ARHGEF2: variants seen among roughly 807,000 people sequenced by gnomAD.
ARHGEF2 encodes rho guanine nucleotide exchange factor 2.
Under a neutral mutation model 121.0 loss-of-function variants are expected in ARHGEF2, and 22 were observed. That is an observed-to-expected ratio of 0.18 (90% CI 0.13 to 0.26). ARHGEF2 has a LOEUF of 0.26. Ranked by LOEUF, ARHGEF2 falls within the 10% of genes least tolerant of loss-of-function variation. The pLI, the probability that ARHGEF2 is intolerant of heterozygous loss-of-function variation, is 1.00. For missense variants in ARHGEF2, 907 were observed against 1,336.0 expected (o/e 0.68, Z 5.01); for synonymous variants, 487 against 530.0 (o/e 0.92, Z 1.11).
At chr1:155,957,050 AG>A (rs1445561925) in intron 13 of ARHGEF2, among the ~76,000 whole-genome samples, 3 of 151,784 alleles carry the variant, frequency 2.0e-5, no homozygotes, top group Non-Finnish European at 4.4e-5. Context: ...AAAAAAAAAA[AG>A]AAAGAAAACC....
intron 11 of ARHGEF2, among the ~76,000 whole-genome samples, chr1:155,958,748 T>C (rs1435172051): frequency 6.6e-6 from 1 of 151,440 alleles, no homozygotes; most frequent in East Asian, 1.9e-4. Flanking sequence ...CCGGCTAATT[T>C]TGTATTTTTA....
Position 155,962,460 on chromosome 1 carries a change from A to T in ARHGEF2, c.1101+133T>A, listed in dbSNP as rs1678159109. The T allele has an allele frequency of 7.5e-7, 1 of 1,326,148 alleles. No individual in the cohort carries two copies. Among genetic ancestry groups the T allele is most frequent in the Non-Finnish European group, 1.0e-6 (1 of 956,428 alleles). 82.1% of individuals were successfully genotyped at this position (1,326,148 alleles called of 1,614,324 possible). ...ATTCTGAGGGGTTACTGCTGACAGGATCTGTGTATGGATGGTCTGCACGGG... is the reference window on the plus strand; with the variant it reads ...ATTCTGAGGGGTTACTGCTGACAGGTTCTGTGTATGGATGGTCTGCACGGG... On this transcript the variant is annotated intron_variant, in intron 9 of 21. Transcript: ENST00000361247. The surrounding 1 kb of genome is among the most constrained non-coding windows in gnomAD (Gnocchi z 5.8).
In ARHGEF2 at chr1:155,948,089, T is replaced by A. The variant is rs1010033; in HGVS notation, c.2888-74A>T. 0.9 allele frequency: 1,072,066 copies of A among 1,195,820 alleles called. 486,543 individuals are homozygous for A. The highest frequency in any genetic ancestry group is 0.95 in the East Asian group (35,247 of 37,278). The allele number at this position is 1,195,820 out of a possible 1,614,324, so 74.1% of individuals were successfully genotyped here. On this transcript the variant is annotated intron_variant, in intron 21 of 21. Transcript: ENST00000361247. ...GGAACTGTACCCCTAGACTAATGCC[T>A]CCCCATCTGCAGGCTCAGGGGGCTC...
rs1675341782 is a variant in ARHGEF2, at chr1:155,951,045, T to G, written c.2487A>C (p.Ala829=). The G allele has an allele frequency of 6.2e-7, 1 of 1,602,196 alleles. No individual in the cohort carries two copies. Among genetic ancestry groups the G allele is most frequent in the Non-Finnish European group, 8.5e-7 (1 of 1,176,050 alleles). Residue 829 remains alanine, a synonymous_variant, in exon 20 of 22, where the codon GCA becomes GCC. Transcript: ENST00000361247. This position sits in a 1 kb window ranked among gnomAD's most constrained non-coding sequence, Gnocchi z 5.1. ...RRCRRLGEER[A]TEAGSLEARL... ...GGGCCTCCAGGCTGCCAGCTTCGGT[T>G]GCCCGTTCTTCACCTAGCCGCCGGC...
At position 155,951,941 on chromosome 1, in the gene ARHGEF2, G is replaced by C; in HGVS notation, c.2150C>G (p.Ala717Gly). ...TFNGSIELCRADSDSSQRDRN... is the reference protein window; with the variant it reads ...TFNGSIELCRGDSDSSQRDRN... Reference sequence around the variant, plus strand: ...TACCCTCTGGCTAGAGTCTGAGTCAGCTCTGCAGAGTTCAATGGAGCCATT... The same window carrying C: ...TACCCTCTGGCTAGAGTCTGAGTCACCTCTGCAGAGTTCAATGGAGCCATT... Residue 717 changes from alanine to glycine, a missense_variant, in exon 17 of 22, where the codon GCT becomes GGT. Around this residue, in one of 2 missense-constraint regions of ARHGEF2, gnomAD observed 432 missense variants for 559.5 expected, o/e 0.77. Coordinates refer to ENST00000361247, the MANE Select transcript of ARHGEF2 (RefSeq NM_001162383.2). This position sits in a 1 kb window ranked among gnomAD's most constrained non-coding sequence, Gnocchi z 5.1. 1.9e-6 allele frequency: 3 copies of C among 1,614,066 alleles called. No homozygotes were observed. Among genetic ancestry groups the C allele is most frequent in the Non-Finnish European group, 2.5e-6 (3 of 1,180,010 alleles).
Position 155,948,504 on chromosome 1 carries a change from G to A in ARHGEF2, c.2888-489C>T, listed in dbSNP as rs995520236. Among the ~76,000 whole-genome samples the A allele has an allele frequency of 1.1e-4, 16 of 152,090 alleles. No individual in the cohort carries two copies. The South Asian group carries it at 2.7e-3, about 26-fold the overall frequency. ...AAATTAGCTATATGTGGTGGCATGC[G>A]CCTGTAATCCCAGCTACTCGGGAGG... On this transcript the variant is annotated intron_variant, in intron 21 of 21. Coordinates refer to ENST00000361247, the MANE Select transcript of ARHGEF2 (RefSeq NM_001162383.2).
In ARHGEF2 at chr1:155,952,097, C is replaced by T. The variant is rs897084637; in HGVS notation, c.2104+19G>A. On this transcript the variant is annotated intron_variant, in intron 16 of 21. Coordinates refer to ENST00000361247, the MANE Select transcript of ARHGEF2 (RefSeq NM_001162383.2). ...GGCCCCTCCCACCTACTACCTTGGTCCCCTGCCCTGGTACTCACTGGCAGT... is the reference window on the plus strand; with the variant it reads ...GGCCCCTCCCACCTACTACCTTGGTTCCCTGCCCTGGTACTCACTGGCAGT... 6.2e-7 allele frequency: 1 copy of T among 1,614,024 alleles called. No homozygotes were observed. Among genetic ancestry groups the T allele is most frequent in the Admixed American group, 1.7e-5 (1 of 60,004 alleles).
Position 155,965,319 on chromosome 1 carries a change from T to G in ARHGEF2, c.564A>C (p.Glu188Asp). 1 of 1,614,142 alleles carries G rather than the reference T, an allele frequency of 6.2e-7. No homozygotes were observed. The highest frequency in any genetic ancestry group is 1.3e-5 in the African/African-American group (1 of 75,046). ...LNMRNRTLSV[E>D]SLIDEAEVIY... is the part of the protein sequence containing the mutation. ...CCTGCTCACCTTCGTCAATGAGGGA[T>G]TCCACGGATAGGGTTCGGTTCCGCA... Residue 188 changes from glutamate to aspartate, a missense_variant, in exon 6 of 22, where the codon GAA becomes GAC. By Grantham distance (45) the Glu-to-Asp change is conservative (BLOSUM62 2). This residue lies in a region of ARHGEF2 where 475 missense variants were observed against 776.5 expected (regional missense o/e 0.61). Coordinates refer to ENST00000361247, the MANE Select transcript of ARHGEF2 (RefSeq NM_001162383.2). This position sits in a 1 kb window ranked among gnomAD's most constrained non-coding sequence, Gnocchi z 6.0.
intron 2 of ARHGEF2, among the ~76,000 whole-genome samples, chr1:155,967,795 T>C (rs1287656678): frequency 6.6e-6 from 1 of 152,116 alleles, no homozygotes; most frequent in Non-Finnish European, 1.5e-5. Flanking sequence ...TTCCCAGACA[T>C]GCCCTCAGCT....
upstream of ARHGEF2, chr1:155,978,681 G>A: frequency 9.8e-7 from 1 of 1,016,680 alleles, no homozygotes; most frequent in Non-Finnish European, 1.3e-6. The surrounding 1 kb of genome is among the most constrained non-coding windows in gnomAD (Gnocchi z 4.1). Context: ...TTTGTGTGGG[G>A]GCAGCTCGGA....
At position 155,978,436 on chromosome 1, in the gene ARHGEF2, G is replaced by A. The variant is rs762803855; in HGVS notation, c.-9C>T. 373 of 1,486,588 alleles carry A rather than the reference G, an allele frequency of 2.5e-4. 1 individual carries two copies. The highest frequency in any genetic ancestry group is 3.1e-4 in the Non-Finnish European group (342 of 1,103,788). 92.1% of individuals were successfully genotyped at this position (1,486,588 alleles called of 1,614,324 possible). A position where few individuals can be genotyped will look rare whatever the true frequency, so the allele number is the denominator to read the frequency against. On this transcript the variant is annotated 5_prime_UTR_variant, in exon 1 of 22. Transcript: ENST00000361247. The surrounding 1 kb of genome is among the most constrained non-coding windows in gnomAD (Gnocchi z 4.1). Reference sequence around the variant, plus strand: ...GATTCGATCCGAGACATAATCGGACGGGGGGACCAGGGAGGACGCGGCGCG... The same window carrying A: ...GATTCGATCCGAGACATAATCGGACAGGGGGACCAGGGAGGACGCGGCGCG...
At chr1:155,953,725 C>T (rs1342854912) in intron 14 of ARHGEF2, among the ~76,000 whole-genome samples, 5 of 130,084 alleles carry the variant, frequency 3.8e-5, no homozygotes, top group South Asian at 2.4e-4. Flanking sequence ...CCACCCTGGG[C>T]GACAGAGCAA....
chr1:155,956,673 T>C (rs1306057915), intron 13 of ARHGEF2, among the ~76,000 whole-genome samples: 4 of 151,144 alleles, frequency 2.6e-5, no homozygotes, highest in South Asian at 2.1e-4. Context: ...AATACAAAAA[T>C]TTGGCTGGGT....
chr1:155,952,743 G>A lies in ARHGEF2; in HGVS notation c.1869C>T (p.Ala623=), dbSNP rs150322943. 270 of 1,614,064 alleles carry A rather than the reference G, an allele frequency of 1.7e-4. No individual in the cohort carries two copies. The highest frequency in any genetic ancestry group is 1.8e-4 in the Non-Finnish European group (217 of 1,180,054). Residue 623 remains alanine, a synonymous_variant, in exon 15 of 22, where the codon GCC becomes GCT. Coordinates refer to ENST00000361247, the MANE Select transcript of ARHGEF2 (RefSeq NM_001162383.2). ...CCATCCCACTGCCACCATCCTCTTC[G>A]GCCTGGAAATGGGTCATCTCAGCAA... ...GLFAEMTHFQ[A]EEDGGSGMAL...
In ARHGEF2 at chr1:155,948,940, C is replaced by G. The variant is rs112059184; in HGVS notation, c.2888-925G>C. Among the ~76,000 whole-genome samples, 468 of 152,224 alleles carry G rather than the reference C, an allele frequency of 3.1e-3. 1 individual carries two copies. The highest frequency in any genetic ancestry group is 5.8e-3 in the Non-Finnish European group (394 of 68,012). ...AGGACTACAGGCTCACTCCACCACA[C>G]CTGGCTAATTAAAAAAATTTTGGGG... On this transcript the variant is annotated intron_variant, in intron 21 of 21. Transcript: ENST00000361247.
rs145368950 is a variant in ARHGEF2 at position 155,951,942 on chromosome 1, C to T, written c.2149G>A (p.Ala717Thr). Residue 717 changes from alanine to threonine, a missense_variant, in exon 17 of 22, where the codon GCT (alanine) becomes ACT (threonine). This residue lies in a region of ARHGEF2 where 432 missense variants were observed against 559.5 expected (regional missense o/e 0.77). Transcript: ENST00000361247. This position sits in a 1 kb window ranked among gnomAD's most constrained non-coding sequence, Gnocchi z 5.1. The stretch of plus-strand genomic sequence containing the variant: ...ACCCTCTGGCTAGAGTCTGAGTCAG[C>T]TCTGCAGAGTTCAATGGAGCCATTG... ...TFNGSIELCR[A>T]DSDSSQRDRN... is the part of the protein sequence containing the mutation. The T allele has an allele frequency of 8.1e-6, 13 of 1,614,106 alleles. No individual in the cohort carries two copies. The highest frequency in any genetic ancestry group is 1.1e-5 in the Non-Finnish European group (13 of 1,180,012).
rs1239275455 is a variant in ARHGEF2, at chr1:155,951,468, C to T, written c.2259+15G>A. ...GGCTCCTCCCCTTCCCCATTCAAGCCCTTGTCCTACTGACCTGTAGGCCAT... is the reference window on the plus strand; with the variant it reads ...GGCTCCTCCCCTTCCCCATTCAAGCTCTTGTCCTACTGACCTGTAGGCCAT... On this transcript the variant is annotated intron_variant, in intron 19 of 21. Coordinates refer to ENST00000361247, the MANE Select transcript of ARHGEF2 (RefSeq NM_001162383.2). This position sits in a 1 kb window ranked among gnomAD's most constrained non-coding sequence, Gnocchi z 5.1. The T allele has an allele frequency of 1.2e-6, 2 of 1,614,012 alleles. No individual in the cohort carries two copies. Among genetic ancestry groups the T allele is most frequent in the African/African-American group, 1.3e-5 (1 of 74,920 alleles).
intron 1 of ARHGEF2, among the ~76,000 whole-genome samples, chr1:155,976,986 G>A (rs1008282965): frequency 6.6e-6 from 1 of 152,062 alleles, no homozygotes; most frequent in Non-Finnish European, 1.5e-5. Flanking sequence ...CCCCAACCCA[G>A]GATGGAACCT....
At chr1:155,970,925 C>A (rs1680335178) in intron 1 of ARHGEF2, 8 of 986,334 alleles carry the variant, frequency 8.1e-6, no homozygotes, top group Non-Finnish European at 9.6e-6. Context: ...CCTCCCCATC[C>A]CCAATCATCC....
Sources: gnomAD v4.1 joint callset for allele counts (sites outside exome capture counted in the v4.1 genomes callset) on GRCh38, gnomAD v4.1.1 for gene constraint, gnomAD v4.1.1 regional missense constraint, Gnocchi (gnomAD v3.1) non-coding constraint, MANE v1.5 for transcripts, NCBI Gene and HGNC (gene_info 2026-07-23, HGNC 2026-07-21) for gene names.